COL25A1: variants seen among roughly 807,000 people sequenced by gnomAD.
COL25A1 encodes the protein collagen type XXV alpha 1 chain, also known as collagen alpha-1(XXV) chain.
Under a neutral mutation model 128.4 loss-of-function variants are expected in COL25A1, and 103 were observed. The ratio of observed to expected loss-of-function variants is 0.80; its 90% CI spans 0.68 to 0.94. The LOEUF is 0.94. Among genes scored for constraint, COL25A1 ranks in the 40% least tolerant of loss-of-function variants. The pLI is 0.00. For synonymous variants in COL25A1, 279 were observed against 277.2 expected, an observed-to-expected ratio of 1.01 and a Z score of -0.06; for missense variants, 745 against 840.0, an observed-to-expected ratio of 0.89 and a Z score of 1.40.
At chr4:109,134,293 A>G (rs10016808) in intron 3 of COL25A1, among the ~76,000 whole-genome samples, 44,211 of 151,716 alleles carry the variant, frequency 0.29, 7,516 homozygotes, top group African/African-American at 0.46. Context: ...AACTATGTAG[A>G]AGATAGATTA....
intron 5 of COL25A1, among the ~76,000 whole-genome samples, chr4:109,035,909 ATTTTAT>A (rs928118154): frequency 6.7e-6 from 1 of 148,176 alleles, no homozygotes; most frequent in African/African-American, 2.5e-5. Context: ...TTTTTATTTT[ATTTTAT>A]TTTTATTTTT....
At chr4:109,091,513 C>G (rs1207253266) in intron 3 of COL25A1, among the ~76,000 whole-genome samples, 9 of 151,606 alleles carry the variant, frequency 5.9e-5, no homozygotes, top group Non-Finnish European at 8.8e-5. Context: ...CAAATCGTCT[C>G]TGTGTGTGTG....
At chr4:108,971,865 G>C (rs560762375) in intron 8 of COL25A1, among the ~76,000 whole-genome samples, 1 of 152,318 alleles carries the variant, frequency 6.6e-6, no homozygotes, top group Non-Finnish European at 1.5e-5. Context: ...TAGTAGAAGA[G>C]AGAGATAAGT....
intron 30 of COL25A1, among the ~76,000 whole-genome samples, chr4:108,843,189 A>G (rs1734670210): frequency 6.6e-6 from 1 of 151,654 alleles, no homozygotes; most frequent in African/African-American, 2.4e-5. Context: ...AGAAGAAAGA[A>G]GAAAGAAGAA....
chr4:108,984,088 G>C (rs964340565), intron 6 of COL25A1, among the ~76,000 whole-genome samples: 2 of 152,050 alleles, frequency 1.3e-5, no homozygotes, highest in South Asian at 2.1e-4. Context: ...CTCCAAGGCC[G>C]CACCAGATTA....
intron 6 of COL25A1, among the ~76,000 whole-genome samples, chr4:109,002,735 C>T (rs190245026): frequency 3.7e-4 from 56 of 152,046 alleles, no homozygotes; most frequent in African/African-American, 1.3e-3. Context: ...TATTTGTCTA[C>T]TAAGTAGTTT....
intron 3 of COL25A1, among the ~76,000 whole-genome samples, chr4:109,060,323 C>T (rs1289252135): frequency 6.6e-6 from 1 of 152,114 alleles, no homozygotes; most frequent in African/African-American, 2.4e-5. Context: ...CCTTTTCAGC[C>T]TACAGTCCAG....
At chr4:109,175,785 T>C (rs1300855810) in intron 3 of COL25A1, among the ~76,000 whole-genome samples, 3 of 152,216 alleles carry the variant, frequency 2.0e-5, no homozygotes, top group Admixed American at 6.5e-5. Flanking sequence ...TCCTGTCTAA[T>C]GAAGACATAC....
chr4:109,087,526 T>G (rs937254946), intron 3 of COL25A1, among the ~76,000 whole-genome samples: 3 of 152,190 alleles, frequency 2.0e-5, no homozygotes, highest in African/African-American at 7.2e-5. Context: ...TAAACTTACA[T>G]GCACACATCA....
chr4:108,846,137 AC>A lies in COL25A1; in HGVS notation c.1515+1del, dbSNP rs1337952954. The A allele has an allele frequency of 6.3e-7, 1 of 1,587,040 alleles. No homozygotes were observed. Among genetic ancestry groups the A allele is most frequent in the Non-Finnish European group, 8.7e-7 (1 of 1,155,482 alleles). ...ATAAACAAACAGAAAGTATAAACAT[AC>A]CGGTAATCCAGGAAGTCCAATTCCT... On this transcript the variant is annotated splice_donor_variant, in intron 28 of 37. Transcript: ENST00000399132. LOFTEE classifies it high-confidence loss of function.
chr4:109,276,880 C>T (rs1722904067), intron 3 of COL25A1, among the ~76,000 whole-genome samples: 1 of 152,182 alleles, frequency 6.6e-6, no homozygotes, highest in South Asian at 2.1e-4. Context: ...GTAGAAATAG[C>T]CCACCACACA....
intron 20 of COL25A1, among the ~76,000 whole-genome samples, chr4:108,867,645 TG>T (rs1450501079): frequency 6.6e-6 from 1 of 152,186 alleles, no homozygotes; most frequent in Non-Finnish European, 1.5e-5. Flanking sequence ...GAACAGACCA[TG>T]AACATATTTC....
chr4:108,860,712 GAA>G (rs1737101699), intron 23 of COL25A1, among the ~76,000 whole-genome samples: 1 of 152,126 alleles, frequency 6.6e-6, no homozygotes, highest in Non-Finnish European at 1.5e-5. Flanking sequence ...CCTTCTCAAA[GAA>G]GCTTAGTTTA....
Position 109,012,832 on chromosome 4 carries a change from G to C in COL25A1, c.421-2457C>G, listed in dbSNP as rs148663032. On this transcript the variant is annotated intron_variant, in intron 5 of 37. Coordinates refer to ENST00000399132, the MANE Select transcript of COL25A1 (RefSeq NM_198721.4). The stretch of plus-strand genomic sequence containing the variant: ...CTGCTCCGCAGCACCCAGTCCCATC[G>C]ACAGCCCAAGGGCTGAGGAGTGCAG... 4.6e-5 allele frequency among the ~76,000 whole-genome samples: 7 copies of C among 152,180 alleles called. No individual in the cohort carries two copies. The East Asian group carries it at 1.2e-3, about 25-fold the overall frequency.
chr4:108,964,915 A>G (rs1377002501), intron 8 of COL25A1, among the ~76,000 whole-genome samples: 1 of 152,198 alleles, frequency 6.6e-6, no homozygotes, highest in African/African-American at 2.4e-5. Flanking sequence ...ATTTCTTTCC[A>G]TTGTGTTATA....
chr4:109,182,592 T>C (rs1388280572), intron 3 of COL25A1, among the ~76,000 whole-genome samples: 1 of 152,120 alleles, frequency 6.6e-6, no homozygotes, highest in East Asian at 1.9e-4. Flanking sequence ...ACATCTCACA[T>C]CTGTTCCAAC....
intron 29 of COL25A1, 47 bp from the exon 30 acceptor site, chr4:108,844,616 A>G (rs758888415): frequency 2.3e-5 from 37 of 1,581,110 alleles, no homozygotes; most frequent in Non-Finnish European, 2.9e-5. Flanking sequence ...TCATTTAGAT[A>G]AGGCAGTTCA....
intron 3 of COL25A1, among the ~76,000 whole-genome samples, chr4:109,277,705 T>C (rs1722971655): frequency 6.6e-6 from 1 of 152,212 alleles, no homozygotes; most frequent in African/African-American, 2.4e-5. Context: ...TTAGATTATA[T>C]AGGATTTCTA....
intron 3 of COL25A1, among the ~76,000 whole-genome samples, chr4:109,150,662 AAACTTG>A (rs1369590472): frequency 6.6e-6 from 1 of 152,174 alleles, no homozygotes; most frequent in African/African-American, 2.4e-5. Context: ...TATGAGAATT[AAACTTG>A]ACACTGGGAC....
Sources: gnomAD v4.1 joint callset for allele counts (sites outside exome capture counted in the v4.1 genomes callset) on GRCh38, gnomAD v4.1.1 for gene constraint, MANE v1.5 for transcripts, NCBI Gene and HGNC (gene_info 2026-07-23, HGNC 2026-07-21) for gene names.